The following HSPA4L variants were observed in gnomAD, a reference collection of about 807,000 sequenced individuals.
HSPA4L encodes the protein heat shock 70 kDa protein 4L.
In HSPA4L, 48 loss-of-function variants were observed where a neutral mutation model predicts 100.3. The observed-to-expected ratio is 0.48, with a 90% CI of 0.38 to 0.61. The LOEUF (loss-of-function observed/expected upper bound fraction) is 0.61. Among genes scored for constraint, HSPA4L ranks in the 20% least tolerant of loss-of-function variants. The probability of loss-of-function intolerance (pLI) is 0.00; values close to 1 mark genes in which losing one functional copy is unlikely to be tolerated. For missense variants in HSPA4L, 886 were observed against 988.6 expected (o/e 0.90, Z 1.39); for synonymous variants, 319 against 328.2 (o/e 0.97, Z 0.30).
intron 12 of HSPA4L, chr4:127,812,632 C>G: frequency 1.5e-6 from 1 of 653,318 alleles, no homozygotes; most frequent in East Asian, 2.7e-5. Flanking sequence ...GGAAGTCTGC[C>G]CTAGATTTTT....
At chr4:127,807,955 T>C (rs1733408774) in intron 10 of HSPA4L, 41 bp from the exon 11 acceptor site, 2 of 1,578,044 alleles carry the variant, frequency 1.3e-6, no homozygotes, top group East Asian at 4.6e-5. Flanking sequence ...CATAGGCAAC[T>C]TTCTATTTGT....
chr4:127,797,622 G>A (rs1166726251), intron 3 of HSPA4L, among the ~76,000 whole-genome samples: 4 of 125,220 alleles, frequency 3.2e-5, no homozygotes, highest in Non-Finnish European at 6.5e-5. Context: ...TTTTTTTTGA[G>A]ACGGAGTCTT....
chr4:127,798,064 C>A (rs1318349624), intron 3 of HSPA4L, among the ~76,000 whole-genome samples: 1 of 152,042 alleles, frequency 6.6e-6, no homozygotes, highest in African/African-American at 2.4e-5. Context: ...AAATGCTTAT[C>A]AATTTTAGGT....
chr4:127,812,879 G>T, intron 12 of HSPA4L: 1 of 924,344 alleles, frequency 1.1e-6, no homozygotes, highest in Non-Finnish European at 1.7e-6. Context: ...TCCTTCACAC[G>T]TTTCAGGAAG....
chr4:127,812,662 T>C, intron 12 of HSPA4L: 1 of 692,724 alleles, frequency 1.4e-6, no homozygotes, highest in Non-Finnish European at 2.5e-6. Flanking sequence ...GTTTTTGTTT[T>C]GTTTTGTTTT....
At chr4:127,796,677 G>T (rs186592451) in intron 3 of HSPA4L, among the ~76,000 whole-genome samples, 2 of 152,234 alleles carry the variant, frequency 1.3e-5, no homozygotes, top group Admixed American at 1.3e-4. Context: ...CAACATGTAT[G>T]AACTTTGAAA....
At chr4:127,816,544 A>G (rs2148794337) in intron 12 of HSPA4L, among the ~76,000 whole-genome samples, 1 of 152,284 alleles carries the variant, frequency 6.6e-6, no homozygotes, top group South Asian at 2.1e-4. Flanking sequence ...ATTTTAGTGA[A>G]CAAACCATTT....
rs1007272417 is a variant in HSPA4L, at chr4:127,836,533, G to A, written c.*3659G>A. 6.6e-6 allele frequency: 1 copy of A among 151,852 alleles called. No individual in the cohort carries two copies. The highest frequency in any genetic ancestry group is 2.1e-4 in the South Asian group (1 of 4,816). The allele number at this position is 151,852 out of a possible 1,614,324, so 9.4% of individuals were successfully genotyped here. ...TTCTTAGACTTTTTTTGGGAGGGAG[G>A]CGTCAATTTTTAGTATATTTGTGAT... On this transcript the variant is annotated 3_prime_UTR_variant, in exon 19 of 19. Transcript: ENST00000296464.
chr4:127,820,881 TC>T (rs1385853120), intron 14 of HSPA4L, among the ~76,000 whole-genome samples: 2 of 152,238 alleles, frequency 1.3e-5, no homozygotes, highest in African/African-American at 4.8e-5. Context: ...TATTAGCTGC[TC>T]CCCTCTTCTC....
chr4:127,811,585 TG>T lies in HSPA4L; in HGVS notation c.1528del (p.Ala510LeufsTer59). 1.2e-6 allele frequency: 2 copies of T among 1,613,986 alleles called. No individual in the cohort carries two copies. Among genetic ancestry groups the T allele is most frequent in the South Asian group, 1.1e-5 (1 of 91,072 alleles). ...AAAATTTGGAAGGCGATCACAGTGA[TG>T]CTCCAATGGAGACAGAAACTTCATT... ...KQNLEGDHSDAPMETETSFKN... is the reference protein window; with the variant it reads ...KQNLEGDHSDXPMETETSFKN... On this transcript the variant is annotated frameshift_variant, in exon 12 of 19. Transcript: ENST00000296464. LOFTEE classifies it high-confidence loss of function.
intron 12 of HSPA4L, chr4:127,812,797 G>C: frequency 1.4e-6 from 2 of 1,425,914 alleles, no homozygotes; most frequent in Non-Finnish European, 2.0e-6. Context: ...TGCTGCTCTG[G>C]GTGGAGCAGG....
chr4:127,803,783 T>G lies in HSPA4L; in HGVS notation c.818T>G (p.Leu273Arg), dbSNP rs745458742. ...LLRLYQECEK[L>R]KKLMSANASD... The stretch of plus-strand genomic sequence containing the variant: ...CGTTTATATCAGGAATGTGAAAAAC[T>G]AAAGAAGCTAATGAGTGCAAATGCA... The change falls in exon 7 of 19, where the codon CTA (leucine) becomes CGA (arginine). Residue 273 changes from leucine (L) to arginine (R), a missense_variant. Leu to Arg is a moderately radical substitution (Grantham distance 102). Coordinates refer to ENST00000296464, the MANE Select transcript of HSPA4L (RefSeq NM_014278.4). 1.9e-6 allele frequency: 3 copies of G among 1,613,826 alleles called. No homozygotes were observed. In the African/African-American group the frequency reaches 4.0e-5, roughly 22 times the overall value.
chr4:127,803,032 A>G (rs915540504), intron 6 of HSPA4L, among the ~76,000 whole-genome samples: 3 of 152,100 alleles, frequency 2.0e-5, no homozygotes, highest in Admixed American at 1.3e-4. Context: ...TTGAATTTCT[A>G]TGACTCTCTT....
At position 127,827,421 on chromosome 4, in the gene HSPA4L, C is replaced by T. The variant is rs748762303; in HGVS notation, c.2163C>T (p.Asn721=). The T allele has an allele frequency of 6.8e-6, 11 of 1,613,384 alleles. 1 individual carries two copies. The highest frequency in any genetic ancestry group is 3.3e-5 in the South Asian group (3 of 91,056). The part of the protein sequence containing the change: ...LVMKVIEAYR[N]KDERYDHLDP... ...TGAAAGTGATAGAAGCTTATAGAAA[C>T]AAGGTATTGAATTCATAAAGCCAAT... The change falls in exon 17 of 19, where the codon AAC becomes AAT. Residue 721 remains asparagine, a synonymous_variant. Transcript: ENST00000296464.
rs778119980 is a variant in HSPA4L, at chr4:127,832,907, G to A, written c.*33G>A. The A allele has an allele frequency of 2.3e-5, 34 of 1,503,906 alleles. 1 individual carries two copies. The highest frequency in any genetic ancestry group is 3.1e-5 in the Non-Finnish European group (34 of 1,106,608). The allele number at this position is 1,503,906 out of a possible 1,614,324, so 93.2% of individuals were successfully genotyped here. A position where few individuals can be genotyped will look rare whatever the true frequency, so the allele number is the denominator to read the frequency against. On this transcript the variant is annotated 3_prime_UTR_variant, in exon 19 of 19. Coordinates refer to ENST00000296464, the MANE Select transcript of HSPA4L (RefSeq NM_014278.4). ...TTTTACCTTCACATTAATTCAAACCGTGCAAGTAACCACGGGGTCCATCTT... is the reference window on the plus strand; with the variant it reads ...TTTTACCTTCACATTAATTCAAACCATGCAAGTAACCACGGGGTCCATCTT...
intron 12 of HSPA4L, 59 bp from the exon 13 acceptor site, chr4:127,818,266 C>A: frequency 8.3e-7 from 1 of 1,206,654 alleles, no homozygotes; most frequent in Non-Finnish European, 1.2e-6. Context: ...ATGCAGTTTA[C>A]ATTTTTAAAA....
chr4:127,815,190 C>T (rs1733642567), intron 12 of HSPA4L, among the ~76,000 whole-genome samples: 1 of 151,102 alleles, frequency 6.6e-6, no homozygotes, highest in Non-Finnish European at 1.5e-5. Flanking sequence ...GTGTTATTTT[C>T]TAATTCAAAA....
chr4:127,831,238 G>A (rs191596394), intron 18 of HSPA4L, among the ~76,000 whole-genome samples: 89 of 152,182 alleles, frequency 5.8e-4, no homozygotes, highest in Non-Finnish European at 1.0e-3. Context: ...GGTGGCTCAC[G>A]TCTGTAATCC....
In HSPA4L at chr4:127,839,140, A is replaced by G. The variant is rs984616645; in HGVS notation, c.*6266A>G. The G allele has an allele frequency of 6.6e-6, 1 of 152,154 alleles. No individual in the cohort carries two copies. Among genetic ancestry groups the G allele is most frequent in the Non-Finnish European group, 1.5e-5 (1 of 68,022 alleles). 9.4% of individuals were successfully genotyped at this position (152,154 alleles called of 1,614,324 possible). A position where few individuals can be genotyped will look rare whatever the true frequency, so the allele number is the denominator to read the frequency against. On this transcript the variant is annotated 3_prime_UTR_variant, in exon 19 of 19. Transcript: ENST00000296464. ...GTCAGAAATTCAAAATAGCTGTTAGACACCTTTGATTCTTTGCTGCTCTCT... is the reference window on the plus strand; with the variant it reads ...GTCAGAAATTCAAAATAGCTGTTAGGCACCTTTGATTCTTTGCTGCTCTCT...
Sources: allele counts gnomAD v4.1 joint callset (sites outside exome capture counted in the v4.1 genomes callset), GRCh38; gene constraint gnomAD v4.1.1; transcripts MANE v1.5; gene names NCBI Gene and HGNC (gene_info 2026-07-23, HGNC 2026-07-21).